TEKT5: variants seen among roughly 807,000 people sequenced by gnomAD.
TEKT5 encodes tektin-5.
Under a neutral mutation model 48.7 loss-of-function variants are expected in TEKT5, and 52 were observed. That is an observed-to-expected ratio of 1.07 (90% CI 0.86 to 1.35). The LOEUF is 1.35. Ranked by LOEUF, TEKT5 falls within the 40% of genes most tolerant of loss-of-function variation. The pLI is 0.00. For synonymous variants in TEKT5, 318 were observed against 267.6 expected (o/e 1.19, Z -1.84); for missense variants, 831 against 641.6 (o/e 1.30, Z -3.19).
chr16:10,676,819 G>C (rs989999776), intron 4 of TEKT5, among the ~76,000 whole-genome samples: 1 of 152,248 alleles, frequency 6.6e-6, no homozygotes, highest in African/African-American at 2.4e-5. Flanking sequence ...CCTCATGGCG[G>C]TTAAGTGCCA....
chr16:10,665,498 T>A (rs1898442441), intron 5 of TEKT5, among the ~76,000 whole-genome samples: 1 of 152,126 alleles, frequency 6.6e-6, no homozygotes, highest in African/African-American at 2.4e-5. Context: ...GTTCTCTCCA[T>A]CTCCTGCATG....
chr16:10,654,016 ATGTGTGTGTGTGTG>A (rs1898215782), intron 5 of TEKT5, among the ~76,000 whole-genome samples: 2 of 135,912 alleles, frequency 1.5e-5, no homozygotes, highest in Non-Finnish European at 3.0e-5. Flanking sequence ...GTGTGTGTGC[ATGTGTGTGTGTGTG>A]CACATGTGTG....
At chr16:10,644,366 T>A (rs1898038663) in intron 5 of TEKT5, among the ~76,000 whole-genome samples, 1 of 152,166 alleles carries the variant, frequency 6.6e-6, no homozygotes, top group Non-Finnish European at 1.5e-5. Context: ...TAAAGTCATT[T>A]TTCTCAAAGT....
intron 4 of TEKT5, among the ~76,000 whole-genome samples, chr16:10,680,722 A>G (rs543043748): frequency 6.6e-6 from 1 of 151,608 alleles, no homozygotes; most frequent in East Asian, 1.9e-4. Flanking sequence ...ACATGGATGA[A>G]ATTGGAAATC....
Position 10,627,708 on chromosome 16 carries a change from T to C in TEKT5, c.1333A>G (p.Met445Val), listed in dbSNP as rs762355714. The change falls in exon 7 of 7, where the codon ATG (methionine) becomes GTG (valine). Residue 445 changes from methionine (M) to valine (V), a missense_variant. Physicochemically the swap from Met to Val is conservative, Grantham distance 21. Transcript: ENST00000283025. ...TCGTGCTCCAGCCGGCACTTGGTCA[T>C]GACCAGCAGCTGCAGCGTGTCCTGT... ...ETQDTLQLLV[M>V]TKCRLEHELA... The C allele has an allele frequency of 1.8e-5, 29 of 1,614,126 alleles. No individual in the cohort carries two copies. The highest frequency in any genetic ancestry group is 2.3e-5 in the Non-Finnish European group (27 of 1,180,052).
intron 4 of TEKT5, among the ~76,000 whole-genome samples, chr16:10,676,682 T>C (rs1428250214): frequency 6.6e-6 from 1 of 152,176 alleles, no homozygotes; most frequent in Non-Finnish European, 1.5e-5. Context: ...AACTCTGCGA[T>C]GGGAATGTGG....
chr16:10,637,697 A>G (rs2430645), intron 5 of TEKT5, among the ~76,000 whole-genome samples: 13,677 of 152,324 alleles, frequency 0.09, 877 homozygotes, highest in African/African-American at 0.18. Context: ...ATCAAGCTGT[A>G]AGCTTTACTG....
intron 2 of TEKT5, 131 bp from the exon 3 acceptor site, chr16:10,689,454 T>G: frequency 1.4e-6 from 1 of 732,646 alleles, no homozygotes; most frequent in Non-Finnish European, 2.2e-6. Context: ...AATGTCAGCG[T>G]GGGGCCCCGC....
intron 6 of TEKT5, among the ~76,000 whole-genome samples, chr16:10,632,860 A>G (rs1386791697): frequency 1.4e-5 from 2 of 144,056 alleles, no homozygotes; most frequent in South Asian, 2.3e-4. Flanking sequence ...CACAACATAC[A>G]CAGATGCAGA....
At chr16:10,693,361 C>G (rs892129078) in intron 1 of TEKT5, among the ~76,000 whole-genome samples, 3 of 152,240 alleles carry the variant, frequency 2.0e-5, no homozygotes, top group African/African-American at 7.2e-5. Context: ...TCACAAAGTG[C>G]TGGGATTACA....
intron 5 of TEKT5, among the ~76,000 whole-genome samples, chr16:10,672,859 T>G (rs866326600): frequency 5.7e-5 from 8 of 141,312 alleles, no homozygotes; most frequent in African/African-American, 1.0e-4. Flanking sequence ...TTTTTTTTTG[T>G]TTTTTTTTTT....
intron 5 of TEKT5, among the ~76,000 whole-genome samples, chr16:10,662,579 G>A (rs963735567): frequency 9.2e-5 from 14 of 152,210 alleles, no homozygotes; most frequent in African/African-American, 3.4e-4. Flanking sequence ...TTTGCAGGCA[G>A]CCCCTTCTGT....
chr16:10,690,301 A>G (rs16957549), intron 1 of TEKT5, among the ~76,000 whole-genome samples: 3,613 of 152,310 alleles, frequency 0.024, 129 homozygotes, highest in African/African-American at 0.083. Context: ...TTTGATTCCC[A>G]TAATTGCATC....
intron 2 of TEKT5, among the ~76,000 whole-genome samples, chr16:10,689,736 G>C (rs1176830861): frequency 6.6e-6 from 1 of 152,010 alleles, no homozygotes; most frequent in Non-Finnish European, 1.5e-5. Flanking sequence ...GCCCATTTTG[G>C]AGATGAAAAG....
At chr16:10,663,525 G>A (rs181964846) in intron 5 of TEKT5, among the ~76,000 whole-genome samples, 3 of 152,352 alleles carry the variant, frequency 2.0e-5, no homozygotes, top group Admixed American at 2.0e-4. Flanking sequence ...AATGGTGGAA[G>A]ATTTTCAAGT....
intron 5 of TEKT5, among the ~76,000 whole-genome samples, chr16:10,647,504 G>C (rs1359368683): frequency 2.0e-5 from 3 of 151,026 alleles, no homozygotes; most frequent in Non-Finnish European, 4.4e-5. Context: ...AGCCACCTGT[G>C]GTACGCGCCT....
Position 10,636,375 on chromosome 16 carries a change from CA to C in TEKT5, c.1087-458del, listed in dbSNP as rs35709495. Among the ~76,000 whole-genome samples the C allele has an allele frequency of 4.1e-3, 571 of 138,168 alleles. 2 individuals are homozygous for C. The highest frequency in any genetic ancestry group is 0.013 in the African/African-American group (466 of 36,044). 90.6% of individuals were successfully genotyped at this position (138,168 alleles called of 152,430 possible). A position where few individuals can be genotyped will look rare whatever the true frequency, so the allele number is the denominator to read the frequency against. On this transcript the variant is annotated intron_variant, in intron 5 of 6. Transcript: ENST00000283025. ...GGGGGACAAGAGCGAGACTTTGTCTCAAAAAAAAAAAAAGGGTTAGAAACCC... is the reference window on the plus strand; with the variant it reads ...GGGGGACAAGAGCGAGACTTTGTCTCAAAAAAAAAAAAGGGTTAGAAACCC...
At chr16:10,651,026 G>A (rs1898148091) in intron 5 of TEKT5, among the ~76,000 whole-genome samples, 1 of 152,238 alleles carries the variant, frequency 6.6e-6, no homozygotes, top group South Asian at 2.1e-4. Flanking sequence ...TGCATGGGCT[G>A]GCCAGGGGCA....
intron 5 of TEKT5, among the ~76,000 whole-genome samples, chr16:10,661,373 G>C (rs761256887): frequency 1.3e-5 from 2 of 152,136 alleles, no homozygotes; most frequent in East Asian, 3.8e-4. Context: ...AGCATCTTTG[G>C]ACTTGAAGAG....
Sources: allele counts gnomAD v4.1 joint callset (sites outside exome capture counted in the v4.1 genomes callset), GRCh38; gene constraint gnomAD v4.1.1; transcripts MANE v1.5; gene names NCBI Gene and HGNC (gene_info 2026-07-23, HGNC 2026-07-21).